GRAMD1C: variants seen among roughly 807,000 people sequenced by gnomAD.
The protein encoded by GRAMD1C is GRAM domain containing 1C, also known as protein Aster-C.
In GRAMD1C, 89 loss-of-function variants were observed where a neutral mutation model predicts 97.8. The ratio of observed to expected loss-of-function variants is 0.91; its 90% CI spans 0.77 to 1.09. The LOEUF (loss-of-function observed/expected upper bound fraction) is 1.09. Ranked by LOEUF, GRAMD1C falls within the 50% of genes least tolerant of loss-of-function variation. The probability of loss-of-function intolerance (pLI) is 0.00; values close to 1 mark genes in which losing one functional copy is unlikely to be tolerated. For missense variants in GRAMD1C, 740 were observed against 766.4 expected (o/e 0.97, Z 0.41); for synonymous variants, 256 against 267.0 (o/e 0.96, Z 0.40).
chr3:113,850,556 C>G lies in GRAMD1C; in HGVS notation c.174+5907C>G. 4 of 1,602,220 alleles carry G rather than the reference C, an allele frequency of 2.5e-6. No homozygotes were observed. The East Asian group carries it at 8.9e-5, about 36-fold the overall frequency. The stretch of plus-strand genomic sequence containing the variant: ...AGAAATGTCTCCAGGCAAACTGTTC[C>G]TTCACGTAGCCTCAGGACTTGAGAG... On this transcript the variant is annotated intron_variant, in intron 2 of 17. Transcript: ENST00000358160.
chr3:113,885,806 G>C, intron 6 of GRAMD1C: 1 of 1,610,424 alleles, frequency 6.2e-7, no homozygotes, highest in Non-Finnish European at 8.5e-7. Flanking sequence ...GCTACATCAA[G>C]GACCTCTCTG....
At chr3:113,872,391 C>CTTTTTTT (rs777339692) in intron 3 of GRAMD1C, among the ~76,000 whole-genome samples, 10 of 117,462 alleles carry the variant, frequency 8.5e-5, no homozygotes, top group African/African-American at 1.8e-4. Flanking sequence ...TCTTTTTTTT[C>CTTTTTTT]TTTTTTTTTT....
intron 8 of GRAMD1C, 36 bp from the exon 9 acceptor site, chr3:113,908,922 G>A (rs1936463251): frequency 1.5e-6 from 2 of 1,338,990 alleles, no homozygotes; most frequent in Non-Finnish European, 1.0e-6. Flanking sequence ...AGCTAAACCT[G>A]TGTTTTATTT....
intron 4 of GRAMD1C, 141 bp downstream of exon 4, chr3:113,875,728 A>C (rs369639303): frequency 2.6e-6 from 1 of 381,436 alleles, no homozygotes; most frequent in Non-Finnish European, 4.4e-6. Flanking sequence ...TGTAAATACA[A>C]ACGTGTTGTA....
At chr3:113,839,390 T>G (rs981939653) in intron 1 of GRAMD1C, among the ~76,000 whole-genome samples, 10 of 152,236 alleles carry the variant, frequency 6.6e-5, no homozygotes, top group African/African-American at 2.4e-4. Context: ...GTTTACTACC[T>G]TATTTGACAA....
chr3:113,917,590 A>C (rs1440564540), intron 10 of GRAMD1C, among the ~76,000 whole-genome samples: 2 of 151,840 alleles, frequency 1.3e-5, no homozygotes, highest in Admixed American at 1.3e-4. Flanking sequence ...CCAAAGTACT[A>C]GGATTACAAG....
At chr3:113,897,583 C>T in intron 6 of GRAMD1C, 7 of 978,264 alleles carry the variant, frequency 7.2e-6, no homozygotes, top group Non-Finnish European at 6.1e-6. Flanking sequence ...ATTAGAAAAG[C>T]TTCTCATAGC....
intron 10 of GRAMD1C, among the ~76,000 whole-genome samples, chr3:113,930,128 G>C (rs1330693344): frequency 6.6e-6 from 1 of 152,104 alleles, no homozygotes; most frequent in African/African-American, 2.4e-5. Context: ...CCAGGATCTT[G>C]CTATAAACAT....
Position 113,838,829 on chromosome 3 carries a change from C to A in GRAMD1C, c.-81C>A, listed in dbSNP as rs1434803898. On this transcript the variant is annotated 5_prime_UTR_variant, in exon 1 of 18. Transcript: ENST00000358160. ...GAGGAGGCGCGCGGAGCCTGTAACTCGCAGCGCGCGCTGGAGGTGGGCGCG... is the reference window on the plus strand; with the variant it reads ...GAGGAGGCGCGCGGAGCCTGTAACTAGCAGCGCGCGCTGGAGGTGGGCGCG... 4 of 1,061,730 alleles carry A rather than the reference C, an allele frequency of 3.8e-6. No individual in the cohort carries two copies. The highest frequency in any genetic ancestry group is 3.6e-6 in the Non-Finnish European group (3 of 835,208). 65.8% of individuals were successfully genotyped at this position (1,061,730 alleles called of 1,614,324 possible). A position where few individuals can be genotyped will look rare whatever the true frequency, so the allele number is the denominator to read the frequency against.
rs571789589 is a variant in GRAMD1C at position 113,861,636 on chromosome 3, A to T, written c.175-7871A>T. On this transcript the variant is annotated intron_variant, in intron 2 of 17. Coordinates refer to ENST00000358160, the MANE Select transcript of GRAMD1C (RefSeq NM_017577.5). ...ATAAGGGACTTGTACTAGAATGTGT[A>T]AAGAACTCTTACATAGCTCAATAAT... 2.3e-4 allele frequency among the ~76,000 whole-genome samples: 35 copies of T among 152,344 alleles called. No homozygotes were observed. The South Asian group carries it at 3.1e-3, about 14-fold the overall frequency.
chr3:113,886,777 G>GTTTTTTTTTTTTTTTTTTTTTTTTT (rs34683672), intron 6 of GRAMD1C, among the ~76,000 whole-genome samples: 2 of 80,038 alleles, frequency 2.5e-5, no homozygotes, highest in Non-Finnish European at 4.6e-5. Flanking sequence ...TTGTTTGCTT[G>GTTTTTTTTTTTTTTTTTTTTTTTTT]TTTTTTTTTT....
chr3:113,884,895 C>T (rs1469491300), intron 6 of GRAMD1C, among the ~76,000 whole-genome samples: 3 of 116,376 alleles, frequency 2.6e-5, no homozygotes, highest in Non-Finnish European at 3.6e-5. Context: ...TCTCCGCTTT[C>T]CCCCCCTTCC....
upstream of GRAMD1C, among the ~76,000 whole-genome samples, chr3:113,835,630 C>T (rs143646732): frequency 7.4e-4 from 112 of 152,218 alleles, no homozygotes; most frequent in African/African-American, 2.6e-3. Context: ...CTTAATACAT[C>T]TTATCTAGAA....
Position 113,936,413 on chromosome 3 carries a change from T to A in GRAMD1C, c.1604T>A (p.Val535Glu). 1 of 1,611,118 alleles carries A rather than the reference T, an allele frequency of 6.2e-7. No individual in the cohort carries two copies. The highest frequency in any genetic ancestry group is 8.5e-7 in the Non-Finnish European group (1 of 1,178,680). Residue 535 changes from valine to glutamate, a missense_variant, in exon 14 of 18, where the codon GTG becomes GAG. Transcript: ENST00000358160. ...TCCTCTCAGCATTCCTCTGGAGATG[T>A]GGGCTTAGGTGCCAAAGGGGATATT... ...KLSSQHSSGD[V>E]GLGAKGDITG...
intron 2 of GRAMD1C, chr3:113,850,249 C>A: frequency 1.6e-6 from 1 of 630,130 alleles, no homozygotes; most frequent in Admixed American, 1.9e-5. Flanking sequence ...ACTGAGGTGG[C>A]TGACCACGTC....
intron 3 of GRAMD1C, among the ~76,000 whole-genome samples, chr3:113,871,742 C>A (rs1250554481): frequency 1.7e-5 from 1 of 57,942 alleles, no homozygotes; most frequent in East Asian, 7.9e-4. Context: ...GAGACTCTGT[C>A]TCAAAAAAAA....
At chr3:113,939,229 T>C (rs1425932447) in intron 15 of GRAMD1C, 1 of 152,162 alleles carries the variant, frequency 6.6e-6, no homozygotes, top group African/African-American at 2.4e-5. Context: ...TTTGCATATA[T>C]ATATATATGG....
intron 2 of GRAMD1C, among the ~76,000 whole-genome samples, chr3:113,856,003 C>T (rs1250112504): frequency 6.6e-6 from 1 of 151,892 alleles, no homozygotes; most frequent in African/African-American, 2.4e-5. Flanking sequence ...ATTCTCTTGC[C>T]TCAGCCTCCC....
chr3:113,915,496 G>A (rs187095433), intron 9 of GRAMD1C, among the ~76,000 whole-genome samples: 15 of 152,172 alleles, frequency 9.9e-5, no homozygotes, highest in Non-Finnish European at 2.9e-5. Context: ...ATATTGTTAT[G>A]CATAGTTATA....
Sources: allele counts gnomAD v4.1 joint callset (sites outside exome capture counted in the v4.1 genomes callset), GRCh38; gene constraint gnomAD v4.1.1; transcripts MANE v1.5; gene names NCBI Gene and HGNC (gene_info 2026-07-23, HGNC 2026-07-21).